BEST3: variants seen among roughly 807,000 people sequenced by gnomAD.
The protein encoded by BEST3 is bestrophin-3.
A neutral mutation model predicts 47.1 loss-of-function variants in BEST3; 50 were observed. The ratio of observed to expected loss-of-function variants is 1.06; its 90% CI spans 0.85 to 1.34. The LOEUF (loss-of-function observed/expected upper bound fraction) is 1.34. BEST3 is among the 40% of genes most tolerant of loss of function. The pLI, the probability that BEST3 is intolerant of heterozygous loss-of-function variation, is 0.00. For synonymous variants in BEST3, 282 were observed against 298.8 expected (o/e 0.94, Z 0.58); for missense variants, 765 against 817.0 (o/e 0.94, Z 0.78).
intron 4 of BEST3, among the ~76,000 whole-genome samples, chr12:69,687,891 T>C (rs949257237): frequency 1.3e-5 from 2 of 152,210 alleles, no homozygotes; most frequent in African/African-American, 4.8e-5. Context: ...TAAATTTTAC[T>C]AATCCTTGAG....
At chr12:69,694,339 T>C (rs1886053234) in intron 3 of BEST3, 31 bp downstream of exon 3, 1 of 1,390,164 alleles carries the variant, frequency 7.2e-7, no homozygotes, top group Non-Finnish European at 1.0e-6. Context: ...GACAGCTATG[T>C]GGCTGCAATC....
chr12:69,680,286 T>C (rs1885165232), intron 4 of BEST3, among the ~76,000 whole-genome samples: 1 of 147,676 alleles, frequency 6.8e-6, no homozygotes, highest in Non-Finnish European at 1.5e-5. Flanking sequence ...AGATGCACTT[T>C]AAAACTTACA....
At chr12:69,695,202 A>G (rs1181237214) in intron 2 of BEST3, among the ~76,000 whole-genome samples, 1 of 152,208 alleles carries the variant, frequency 6.6e-6, no homozygotes, top group Non-Finnish European at 1.5e-5. Flanking sequence ...TTTAAGGCAA[A>G]CTAATAATAA....
chr12:69,657,316 G>A (rs572215082), intron 9 of BEST3, among the ~76,000 whole-genome samples: 3 of 152,104 alleles, frequency 2.0e-5, no homozygotes, highest in Non-Finnish European at 4.4e-5. Context: ...GGCTGGTCTC[G>A]AACTCCTGAC....
chr12:69,674,173 T>G (rs1884756868), intron 7 of BEST3, among the ~76,000 whole-genome samples: 1 of 152,168 alleles, frequency 6.6e-6, no homozygotes, highest in Admixed American at 6.5e-5. Flanking sequence ...AAAGGCACCA[T>G]GTGATTAGTT....
rs1884660826 is a variant in BEST3 at position 69,672,813 on chromosome 12, A to T, written c.948+72T>A. On this transcript the variant is annotated intron_variant, in intron 8 of 9. Coordinates refer to ENST00000330891, the MANE Select transcript of BEST3 (RefSeq NM_032735.3). ...TGAAGCCAAGGGGTGTGCATTTGAA[A>T]TCTGCTTAGATTTGAAATATCGCAA... The T allele has an allele frequency of 9.3e-6, 11 of 1,176,878 alleles. No homozygotes were observed. In the South Asian group the frequency reaches 1.4e-4, roughly 15 times the overall value. The allele number at this position is 1,176,878 out of a possible 1,614,324, so 72.9% of individuals were successfully genotyped here.
chr12:69,670,209 T>A (rs946788632), intron 9 of BEST3: 26 of 458,502 alleles, frequency 5.7e-5, no homozygotes, highest in African/African-American at 1.9e-5. Context: ...GAGACATGCA[T>A]ACAACAAGAG....
At position 69,671,510 on chromosome 12, in the gene BEST3, C is replaced by T. The variant is rs781599639; in HGVS notation, c.1018G>A (p.Asp340Asn). 3.2e-5 allele frequency: 52 copies of T among 1,613,816 alleles called. No individual in the cohort carries two copies. The highest frequency in any genetic ancestry group is 5.0e-5 in the Admixed American group (3 of 59,996). The part of the protein sequence containing the change: ...PKMKKDIYWD[D>N]SAARPPYTLA... The stretch of plus-strand genomic sequence containing the variant: ...GTGTATGGTGGGCGAGCAGCAGAAT[C>T]GTCCCAGTAAATGTCCTTCTTCATC... The change falls in exon 9 of 10, where the codon GAT becomes AAT. Residue 340 changes from aspartate to asparagine, a missense_variant. Coordinates refer to ENST00000330891, the MANE Select transcript of BEST3 (RefSeq NM_032735.3).
intron 4 of BEST3, among the ~76,000 whole-genome samples, chr12:69,679,843 A>G (rs1885133670): frequency 6.6e-6 from 1 of 152,186 alleles, no homozygotes; most frequent in South Asian, 2.1e-4. Flanking sequence ...CCCAGGCTAT[A>G]GAGCGAGACT....
intron 9 of BEST3, among the ~76,000 whole-genome samples, chr12:69,662,268 C>T (rs567921761): frequency 1.2e-4 from 19 of 152,040 alleles, no homozygotes; most frequent in Non-Finnish European, 1.6e-4. Flanking sequence ...GTTAGTAATT[C>T]AGAATTTGAG....
At chr12:69,689,560 C>A (rs1885830721) in intron 4 of BEST3, among the ~76,000 whole-genome samples, 1 of 152,140 alleles carries the variant, frequency 6.6e-6, no homozygotes, top group African/African-American at 2.4e-5. Flanking sequence ...ACAAGATGTA[C>A]CTACTACCTC....
At position 69,657,925 on chromosome 12, in the gene BEST3, T is replaced by C. The variant is rs191029922; in HGVS notation, c.1101-2112A>G. ...CCTCCACTGTGTGAGGGTCAGATTC[T>C]ATTACATCGACTTGAGAAATGCAGA... On this transcript the variant is annotated intron_variant, in intron 9 of 9. Coordinates refer to ENST00000330891, the MANE Select transcript of BEST3 (RefSeq NM_032735.3). 2.1e-4 allele frequency among the ~76,000 whole-genome samples: 32 copies of C among 152,338 alleles called. No homozygotes were observed. The East Asian group carries it at 5.6e-3, about 27-fold the overall frequency.
intron 9 of BEST3, among the ~76,000 whole-genome samples, chr12:69,667,579 A>G (rs753900105): frequency 6.6e-6 from 1 of 152,194 alleles, no homozygotes; most frequent in Non-Finnish European, 1.5e-5. Context: ...TACAGGCATG[A>G]GCCACCATGC....
chr12:69,672,852 A>T, intron 8 of BEST3, 33 bp downstream of exon 8: 1 of 1,473,664 alleles, frequency 6.8e-7, no homozygotes, highest in Non-Finnish European at 9.4e-7. Context: ...ATTTATTATT[A>T]ACATTTGAAA....
chr12:69,672,519 G>A (rs1884642271), intron 8 of BEST3, among the ~76,000 whole-genome samples: 1 of 152,226 alleles, frequency 6.6e-6, no homozygotes, highest in African/African-American at 2.4e-5. Context: ...ACTCCCACCA[G>A]CTTGTGTCTG....
chr12:69,682,452 G>A (rs923181553), intron 4 of BEST3, among the ~76,000 whole-genome samples: 52 of 152,224 alleles, frequency 3.4e-4, no homozygotes, highest in African/African-American at 1.1e-3. Context: ...CCCTGGAAGT[G>A]TAAAATAAAA....
chr12:69,655,315 C>T lies in BEST3; in HGVS notation c.1599G>A (p.Gly533=). ...ATSILSSEFT[G]VQPSKTEQQQ... ...GCTGCTCAGTCTTGCTTGGCTGAACCCCTGTAAACTCAGAGCTCAAGATGG... is the reference window on the plus strand; with the variant it reads ...GCTGCTCAGTCTTGCTTGGCTGAACTCCTGTAAACTCAGAGCTCAAGATGG... The change falls in exon 10 of 10, where the codon GGG becomes GGA. Residue 533 remains glycine (G), a synonymous_variant. Transcript: ENST00000330891. 1 of 1,614,134 alleles carries T rather than the reference C, an allele frequency of 6.2e-7. No individual in the cohort carries two copies. The highest frequency in any genetic ancestry group is 8.5e-7 in the Non-Finnish European group (1 of 1,180,034).
intron 7 of BEST3, among the ~76,000 whole-genome samples, chr12:69,674,927 C>T (rs533230571): frequency 9.8e-4 from 113 of 114,826 alleles, no homozygotes; most frequent in Admixed American, 3.6e-3. Context: ...GACAGAGTTT[C>T]GCTCTTGTTG....
chr12:69,692,009 C>T (rs1885944530), intron 4 of BEST3, among the ~76,000 whole-genome samples: 1 of 152,166 alleles, frequency 6.6e-6, no homozygotes, highest in Admixed American at 6.5e-5. Context: ...ATAAAACCTC[C>T]AACCTTCTCT....
Sources: gnomAD v4.1 joint callset for allele counts (sites outside exome capture counted in the v4.1 genomes callset) on GRCh38, gnomAD v4.1.1 for gene constraint, MANE v1.5 for transcripts, NCBI Gene and HGNC (gene_info 2026-07-23, HGNC 2026-07-21) for gene names.